DOCK1: variants seen among roughly 807,000 people sequenced by gnomAD.
DOCK1 encodes the protein dedicator of cytokinesis 1.
A neutral mutation model predicts 262.7 loss-of-function variants in DOCK1; 138 were observed. The ratio of observed to expected loss-of-function variants is 0.53; its 90% CI spans 0.46 to 0.61. The LOEUF (loss-of-function observed/expected upper bound fraction) is 0.61. Ranked by LOEUF, DOCK1 falls within the 20% of genes least tolerant of loss-of-function variation. DOCK1 has a pLI of 0.00. For missense variants in DOCK1, 1,908 were observed against 2,370.7 expected, an observed-to-expected ratio of 0.80 and a Z score of 4.05; for synonymous variants, 866 against 867.4, an observed-to-expected ratio of 1.00 and a Z score of 0.03.
At chr10:127,367,062 G>C (rs1198393685) in intron 33 of DOCK1, among the ~76,000 whole-genome samples, 1 of 152,158 alleles carries the variant, frequency 6.6e-6, no homozygotes, top group African/African-American at 2.4e-5. Flanking sequence ...CTTACAATTG[G>C]AGTAGAGAGG....
chr10:127,429,573 T>TAA (rs1437513137), intron 47 of DOCK1, among the ~76,000 whole-genome samples: 1 of 152,206 alleles, frequency 6.6e-6, no homozygotes, highest in African/African-American at 2.4e-5. Context: ...TGAGCCAGCT[T>TAA]AAGCCATAGA....
chr10:127,374,175 G>C lies in DOCK1; in HGVS notation c.3636G>C (p.Glu1212Asp). The change falls in exon 35 of 52, where the codon GAG becomes GAC. Residue 1212 changes from glutamate (E) to aspartate (D), a missense_variant. Around this residue, in one of 9 missense-constraint regions of DOCK1, gnomAD observed 267 missense variants for 366.3 expected, o/e 0.73. Transcript: ENST00000623213. ...ATTATAGAACCATCATGCACGACGA[G>C]AACAAAGAAAACCGCATGAGCTGCA... ...LLDYRTIMHD[E>D]NKENRMSCTV... is the part of the protein sequence containing the mutation. 2 of 1,613,446 alleles carry C rather than the reference G, an allele frequency of 1.2e-6. No individual in the cohort carries two copies. Among genetic ancestry groups the C allele is most frequent in the Non-Finnish European group, 1.7e-6 (2 of 1,179,726 alleles).
rs570541588 is a variant in DOCK1 at position 126,916,607 on chromosome 10, G to A, written c.46+11044G>A. 2.2e-4 allele frequency among the ~76,000 whole-genome samples: 33 copies of A among 152,146 alleles called. 1 individual carries two copies. The highest frequency in any genetic ancestry group is 3.8e-4 in the Non-Finnish European group (26 of 67,998). ...GAAAAGTTAAAGAAGACTCTGCCTC[G>A]AAATAACTCATTTCTTCCCTCCCTT... is the stretch of plus-strand genomic sequence containing the variant. On this transcript the variant is annotated intron_variant, in intron 1 of 51. Transcript: ENST00000623213.
intron 1 of DOCK1, among the ~76,000 whole-genome samples, chr10:126,956,007 C>T (rs1215111976): frequency 2.6e-5 from 4 of 152,246 alleles, no homozygotes; most frequent in South Asian, 2.1e-4. Context: ...CTGGTCAAGT[C>T]GGGAGCCTTG....
chr10:127,352,435 T>G (rs2133855467), intron 31 of DOCK1, among the ~76,000 whole-genome samples: 1 of 152,190 alleles, frequency 6.6e-6, no homozygotes, highest in African/African-American at 2.4e-5. Flanking sequence ...AAACCGCAAG[T>G]GGAAAATCCA....
chr10:127,141,358 C>T (rs564719924), intron 27 of DOCK1, among the ~76,000 whole-genome samples: 1 of 152,286 alleles, frequency 6.6e-6, no homozygotes, highest in African/African-American at 2.4e-5. Flanking sequence ...TGGGTCCTAG[C>T]AGTTGCCTAC....
chr10:127,434,465 C>T (rs1446522869), intron 48 of DOCK1, among the ~76,000 whole-genome samples: 6 of 152,236 alleles, frequency 3.9e-5, no homozygotes, highest in Admixed American at 6.5e-5. Context: ...GTGAACAGTT[C>T]GGTGGCATTG....
intron 38 of DOCK1, among the ~76,000 whole-genome samples, chr10:127,400,183 CAAAA>C (rs35762721): frequency 1.4e-5 from 2 of 143,662 alleles, no homozygotes; most frequent in African/African-American, 5.1e-5. Context: ...TTACTCTCAT[CAAAA>C]AAAAAAAAAA....
chr10:127,069,548 G>A (rs1477177408), intron 23 of DOCK1, among the ~76,000 whole-genome samples: 1 of 152,180 alleles, frequency 6.6e-6, no homozygotes, highest in Non-Finnish European at 1.5e-5. Flanking sequence ...CACTGATGGT[G>A]TTAATTGATC....
intron 47 of DOCK1, among the ~76,000 whole-genome samples, chr10:127,428,970 T>TGCCGTGTGG (rs2069063759): frequency 1.4e-5 from 2 of 144,844 alleles, no homozygotes; most frequent in South Asian, 2.3e-4. Context: ...TGGATTCGGG[T>TGCCGTGTGG]ACCATGTGGA....
chr10:126,948,461 G>T (rs1189719624), intron 1 of DOCK1, among the ~76,000 whole-genome samples: 2 of 151,810 alleles, frequency 1.3e-5, no homozygotes, highest in Non-Finnish European at 2.9e-5. Context: ...GATTGTGTTG[G>T]TAGTACTGAT....
chr10:127,330,429 A>G (rs1332146537), intron 29 of DOCK1, among the ~76,000 whole-genome samples: 2 of 152,122 alleles, frequency 1.3e-5, no homozygotes, highest in African/African-American at 4.8e-5. Flanking sequence ...AAACAGGGAA[A>G]TAACAAGTGT....
At chr10:126,909,974 G>T (rs1591280340) in intron 1 of DOCK1, among the ~76,000 whole-genome samples, 1 of 152,194 alleles carries the variant, frequency 6.6e-6, no homozygotes, top group Non-Finnish European at 1.5e-5. Context: ...AGTGTGAGGA[G>T]CCTGACTTGC....
intron 23 of DOCK1, among the ~76,000 whole-genome samples, chr10:127,093,198 T>TTTTCTTTTTTCTTTCTTTCTTTC (rs2047651526): frequency 1.1e-5 from 1 of 92,354 alleles, no homozygotes; most frequent in Non-Finnish European, 2.3e-5. Context: ...TCCCTCTCCT[T>TTTTCTTTTTTCTTTCTTTCTTTC]TTTCTTTCTT....
chr10:127,060,162 A>G (rs984938191), intron 22 of DOCK1, among the ~76,000 whole-genome samples: 1 of 152,080 alleles, frequency 6.6e-6, no homozygotes, highest in African/African-American at 2.4e-5. Context: ...ACTTTGCTTT[A>G]TAGAGGTTTT....
chr10:127,028,277 G>C (rs1002339592), intron 16 of DOCK1, among the ~76,000 whole-genome samples: 3 of 152,160 alleles, frequency 2.0e-5, no homozygotes, highest in African/African-American at 7.2e-5. Flanking sequence ...CCAGACCCCA[G>C]ACCAAGTCGG....
At chr10:126,938,976 C>CGG (rs1396548475) in intron 1 of DOCK1, among the ~76,000 whole-genome samples, 1 of 69,974 alleles carries the variant, frequency 1.4e-5, no homozygotes, top group African/African-American at 6.3e-5. Context: ...GGACAAACAC[C>CGG]GGGGGGGATG....
intron 27 of DOCK1, among the ~76,000 whole-genome samples, chr10:127,242,459 C>T (rs2059296863): frequency 6.6e-6 from 1 of 152,164 alleles, no homozygotes; most frequent in Admixed American, 6.5e-5. Flanking sequence ...GGCCTTCTAT[C>T]TTATCAGCTC....
At chr10:127,050,076 C>T (rs754272751) in intron 21 of DOCK1, among the ~76,000 whole-genome samples, 26 of 145,820 alleles carry the variant, frequency 1.8e-4, no homozygotes, top group Non-Finnish European at 3.4e-4. Flanking sequence ...ATTTATTGAA[C>T]CGGCTCTCAG....
Sources: allele counts gnomAD v4.1 joint callset (sites outside exome capture counted in the v4.1 genomes callset), GRCh38; gene constraint gnomAD v4.1.1; regional missense constraint gnomAD v4.1.1; transcripts MANE v1.5; gene names NCBI Gene and HGNC (gene_info 2026-07-23, HGNC 2026-07-21).